Variants in PCDHGC3 observed in about 807,000 individuals in gnomAD.
PCDHGC3 encodes protocadherin gamma subfamily C, 3, also known as protocadherin gamma-C3.
Under a neutral mutation model 59.2 loss-of-function variants are expected in PCDHGC3, and 26 were observed. The ratio of observed to expected loss-of-function variants is 0.44; its 90% CI spans 0.32 to 0.61. The LOEUF (loss-of-function observed/expected upper bound fraction) is 0.61, where lower values mean the gene tolerates loss of function less well. Ranked by LOEUF, PCDHGC3 falls within the 20% of genes least tolerant of loss-of-function variation. The probability of loss-of-function intolerance (pLI) is 0.05; values close to 1 mark genes in which losing one functional copy is unlikely to be tolerated. For synonymous variants in PCDHGC3, 487 were observed against 519.7 expected (o/e 0.94, Z 0.86); for missense variants, 1,080 against 1,221.8 (o/e 0.88, Z 1.73).
At position 141,493,841 on chromosome 5, in the gene PCDHGC3, T is replaced by C. The variant is rs774682943; in HGVS notation, c.2431-966T>C. On this transcript the variant is annotated intron_variant, in intron 1 of 3. Transcript: ENST00000308177. The surrounding 1 kb of genome is among the most constrained non-coding windows in gnomAD (Gnocchi z 4.3). ...CTCTGCTTCTGGGAGCAAGTATGAGTATTAATTACCAGCCCACCCCAGAAC... is the reference window on the plus strand; with the variant it reads ...CTCTGCTTCTGGGAGCAAGTATGAGCATTAATTACCAGCCCACCCCAGAAC... Among the ~76,000 whole-genome samples the C allele has an allele frequency of 3.3e-5, 5 of 152,140 alleles. No homozygotes were observed. In the East Asian group the frequency reaches 9.7e-4, roughly 29 times the overall value.
Position 141,489,999 on chromosome 5 carries a change from GA to G in PCDHGC3, c.2431-4806del. On this transcript the variant is annotated intron_variant, in intron 1 of 3. Transcript: ENST00000308177. The surrounding 1 kb of genome is among the most constrained non-coding windows in gnomAD (Gnocchi z 4.5). ...CAGTTCTACGTGTGGGAATCCCAGA[GA>G]ATGCACCCATTGGTACTCTGCTGCT... 1 of 1,614,242 alleles carries G rather than the reference GA, an allele frequency of 6.2e-7. No individual in the cohort carries two copies. Among genetic ancestry groups the G allele is most frequent in the Non-Finnish European group, 8.5e-7 (1 of 1,180,032 alleles).
At position 141,486,408 on chromosome 5, in the gene PCDHGC3, C is replaced by G; in HGVS notation, c.2430+7862C>G. The G allele has an allele frequency of 1.2e-6, 2 of 1,614,156 alleles. No homozygotes were observed. The highest frequency in any genetic ancestry group is 1.7e-6 in the Non-Finnish European group (2 of 1,180,014). Reference sequence around the variant, plus strand: ...CAGTTCTCCCTGGTGACTGCTGGACCCTTGGATCGAGAGGCCAAATCTAGC... The same window carrying G: ...CAGTTCTCCCTGGTGACTGCTGGACGCTTGGATCGAGAGGCCAAATCTAGC... On this transcript the variant is annotated intron_variant, in intron 1 of 3. Transcript: ENST00000308177. This position sits in a 1 kb window ranked among gnomAD's most constrained non-coding sequence, Gnocchi z 5.0.
At chr5:141,482,673 G>A (rs1278135239) in intron 1 of PCDHGC3, among the ~76,000 whole-genome samples, 1 of 152,156 alleles carries the variant, frequency 6.6e-6, no homozygotes, top group Non-Finnish European at 1.5e-5. Context: ...TAAAGGTTGA[G>A]TAGTAGCTTG....
chr5:141,481,835 C>T (rs892868552), intron 1 of PCDHGC3, among the ~76,000 whole-genome samples: 5 of 149,932 alleles, frequency 3.3e-5, no homozygotes, highest in Non-Finnish European at 7.4e-5. Flanking sequence ...GCAGGAGAAT[C>T]GCTTGATGGT....
rs2099606506 is a variant in PCDHGC3 at position 141,485,072 on chromosome 5, G to A, written c.2430+6526G>A. ...CCGGCCGAACCGCGCCAGAGCTGGC[G>A]CGGGGAAAGGGAGATAGGTGTCTCC... On this transcript the variant is annotated intron_variant, in intron 1 of 3. Transcript: ENST00000308177. This position sits in a 1 kb window ranked among gnomAD's most constrained non-coding sequence, Gnocchi z 5.7. 2 of 916,892 alleles carry A rather than the reference G, an allele frequency of 2.2e-6. No homozygotes were observed. The highest frequency in any genetic ancestry group is 3.4e-6 in the Non-Finnish European group (2 of 587,886). The allele number at this position is 916,892 out of a possible 1,614,324, so 56.8% of individuals were successfully genotyped here.
chr5:141,483,779 A>G (rs1259583177), intron 1 of PCDHGC3, among the ~76,000 whole-genome samples: 2 of 152,146 alleles, frequency 1.3e-5, no homozygotes, highest in Non-Finnish European at 2.9e-5. Context: ...TTGGGGAAGG[A>G]TAAGAACTCC....
In PCDHGC3 at chr5:141,486,336, G is replaced by A. The variant is rs534793835; in HGVS notation, c.2430+7790G>A. 3.8e-5 allele frequency: 61 copies of A among 1,613,992 alleles called. No individual in the cohort carries two copies. In the African/African-American group the frequency reaches 4.3e-4, roughly 11 times the overall value. On this transcript the variant is annotated intron_variant, in intron 1 of 3. Coordinates refer to ENST00000308177, the MANE Select transcript of PCDHGC3 (RefSeq NM_002588.4). The surrounding 1 kb of genome is among the most constrained non-coding windows in gnomAD (Gnocchi z 5.0). The stretch of plus-strand genomic sequence containing the variant: ...GGGTCAAACGGAGATGTGAGCCTCC[G>A]CATTCCTGACCACTTGCCATTTGCC...
intron 2 of PCDHGC3, among the ~76,000 whole-genome samples, chr5:141,495,507 C>T (rs1380258502): frequency 6.6e-6 from 1 of 152,188 alleles, no homozygotes; most frequent in African/African-American, 2.4e-5. Context: ...TCCGTCTTTG[C>T]CACTTTCTCT....
chr5:141,492,558 G>A (rs879634396), intron 1 of PCDHGC3, among the ~76,000 whole-genome samples: 1 of 152,236 alleles, frequency 6.6e-6, no homozygotes, highest in South Asian at 2.1e-4. Context: ...CGCCTGGGGG[G>A]CGGCCTGAGC....
chr5:141,492,125 C>T (rs1284932830), intron 1 of PCDHGC3, among the ~76,000 whole-genome samples: 1 of 152,222 alleles, frequency 6.6e-6, no homozygotes, highest in Non-Finnish European at 1.5e-5. Context: ...TTCTCCCCAG[C>T]TCCCAGCATC....
Position 141,494,692 on chromosome 5 carries a change from C to T in PCDHGC3, c.2431-115C>T. On this transcript the variant is annotated intron_variant, in intron 1 of 3. Coordinates refer to ENST00000308177, the MANE Select transcript of PCDHGC3 (RefSeq NM_002588.4). ...AGTCCACCCCTGCCCCCTCTTAGTC[C>T]GTTTTCTTCTCTGTGCCCACTCCCC... 2.5e-6 allele frequency: 4 copies of T among 1,581,934 alleles called. No individual in the cohort carries two copies. In the African/African-American group the frequency reaches 4.0e-5, roughly 16 times the overall value.
intron 1 of PCDHGC3, chr5:141,478,852 A>G (rs2099480601): frequency 7.3e-7 from 1 of 1,367,502 alleles, no homozygotes; most frequent in African/African-American, 1.5e-5. Flanking sequence ...GCTAAAACAC[A>G]AGATCTCAGC....
At chr5:141,504,511 CTCTGATAT>C (rs2099838890) in intron 2 of PCDHGC3, among the ~76,000 whole-genome samples, 1 of 151,902 alleles carries the variant, frequency 6.6e-6, no homozygotes, top group Non-Finnish European at 1.5e-5. Flanking sequence ...AGTGGATCTC[CTCTGATAT>C]ATTTTATTCG....
rs1248983040 is a variant in PCDHGC3, at chr5:141,476,937, G to T, written c.821G>T (p.Gly274Val). 3.1e-6 allele frequency: 5 copies of T among 1,614,186 alleles called. No homozygotes were observed. Among genetic ancestry groups the T allele is most frequent in the Non-Finnish European group, 4.2e-6 (5 of 1,180,050 alleles). The stretch of plus-strand genomic sequence containing the variant: ...GTCCTTGCAACGGATCTGGATGAAG[G>T]CCCCAACGGTGAAATTATTTACTCC... Reference protein sequence around the residue: ...VQVLATDLDEGPNGEIIYSFG... With the variant: ...VQVLATDLDEVPNGEIIYSFG... Residue 274 changes from glycine (G) to valine (V), a missense_variant, in exon 1 of 4, where the codon GGC becomes GTC. Coordinates refer to ENST00000308177, the MANE Select transcript of PCDHGC3 (RefSeq NM_002588.4). This position sits in a 1 kb window ranked among gnomAD's most constrained non-coding sequence, Gnocchi z 7.6.
chr5:141,478,553 T>G lies in PCDHGC3; in HGVS notation c.2430+7T>G, dbSNP rs1593930915. On this transcript the variant is annotated splice_region_variant and intron_variant, in intron 1 of 3. Coordinates refer to ENST00000308177, the MANE Select transcript of PCDHGC3 (RefSeq NM_002588.4). Reference sequence around the variant, plus strand: ...GAGCGCCCCTCCCGGACAGGTAAGGTTTAGCAAGTCATGCTTGACCCTGTT... The same window carrying G: ...GAGCGCCCCTCCCGGACAGGTAAGGGTTAGCAAGTCATGCTTGACCCTGTT... 1 of 1,602,704 alleles carries G rather than the reference T, an allele frequency of 6.2e-7. No homozygotes were observed. The highest frequency in any genetic ancestry group is 8.5e-7 in the Non-Finnish European group (1 of 1,174,272).
At chr5:141,481,618 G>C (rs1339565594) in intron 1 of PCDHGC3, among the ~76,000 whole-genome samples, 1 of 152,142 alleles carries the variant, frequency 6.6e-6, no homozygotes, top group African/African-American at 2.4e-5. Context: ...AGGAGTTCAA[G>C]ACCGGCCTGG....
At chr5:141,492,954 A>G (rs2099745299) in intron 1 of PCDHGC3, among the ~76,000 whole-genome samples, 1 of 152,212 alleles carries the variant, frequency 6.6e-6, no homozygotes, top group Non-Finnish European at 1.5e-5. Context: ...TGACCAAACT[A>G]TCTGACACTC....
In PCDHGC3 at chr5:141,486,657, T is replaced by G. The variant is rs1171065175; in HGVS notation, c.2430+8111T>G. On this transcript the variant is annotated intron_variant, in intron 1 of 3. Transcript: ENST00000308177. The surrounding 1 kb of genome is among the most constrained non-coding windows in gnomAD (Gnocchi z 5.0). ...AATGCGCTTATCTCCTACTCACTCC[T>G]GGAGCCCAGGAATCGAGATGTATCA... 3 of 1,614,010 alleles carry G rather than the reference T, an allele frequency of 1.9e-6. No homozygotes were observed. Among genetic ancestry groups the G allele is most frequent in the Non-Finnish European group, 2.5e-6 (3 of 1,180,030 alleles).
rs1414835001 is a variant in PCDHGC3 at position 141,476,225 on chromosome 5, A to T, written c.109A>T (p.Ile37Phe). 1.2e-6 allele frequency: 2 copies of T among 1,613,882 alleles called. No individual in the cohort carries two copies. Among genetic ancestry groups the T allele is most frequent in the Non-Finnish European group, 1.7e-6 (2 of 1,180,012 alleles). The part of the protein sequence containing the change: ...NKASTVIHYE[I>F]PEEREKGFAV... ...GGCTTCCACGGTCATTCACTATGAG[A>T]TCCCGGAGGAAAGAGAGAAGGGTTT... Residue 37 changes from isoleucine (I) to phenylalanine (F), a missense_variant, in exon 1 of 4, where the codon ATC becomes TTC. Transcript: ENST00000308177. This position sits in a 1 kb window ranked among gnomAD's most constrained non-coding sequence, Gnocchi z 7.6.
Sources: gnomAD v4.1 joint callset for allele counts (sites outside exome capture counted in the v4.1 genomes callset) on GRCh38, gnomAD v4.1.1 for gene constraint, Gnocchi (gnomAD v3.1) non-coding constraint, MANE v1.5 for transcripts, NCBI Gene and HGNC (gene_info 2026-07-23, HGNC 2026-07-21) for gene names.